The following DDX47 variants were observed in gnomAD, a reference collection of about 807,000 sequenced individuals.
The protein encoded by DDX47 is probable ATP-dependent RNA helicase DDX47.
A neutral mutation model predicts 58.8 loss-of-function variants in DDX47; 60 were observed. That is an observed-to-expected ratio of 1.02 (90% CI 0.83 to 1.26). The LOEUF (loss-of-function observed/expected upper bound fraction) is 1.26. Ranked by LOEUF, DDX47 falls within the 50% of genes most tolerant of loss-of-function variation. DDX47 has a pLI of 0.00. For missense variants in DDX47, 530 were observed against 573.2 expected, an observed-to-expected ratio of 0.92 and a Z score of 0.77; for synonymous variants, 197 against 204.6, an observed-to-expected ratio of 0.96 and a Z score of 0.32.
intron 6 of DDX47, among the ~76,000 whole-genome samples, 184 bp from the exon 7 acceptor site, chr12:12,823,019 C>T (rs1052936577): frequency 2.0e-5 from 3 of 152,166 alleles, no homozygotes; most frequent in African/African-American, 7.2e-5. Flanking sequence ...TGAGAACTCA[C>T]TATCATGAGA....
chr12:12,826,105 A>T (rs745333901), intron 10 of DDX47, 35 bp downstream of exon 10: 40 of 1,570,352 alleles, frequency 2.5e-5, no homozygotes, highest in Non-Finnish European at 3.2e-5. Flanking sequence ...AGCAATGTAG[A>T]GAAAAGAGCA....
In DDX47 at chr12:12,822,670, A is replaced by AT; in HGVS notation, c.572dup (p.Leu192ProfsTer40). On this transcript the variant is annotated frameshift_variant, in exon 6 of 12. Transcript: ENST00000358007. LOFTEE classifies it high-confidence loss of function. ...CCTCTTTGTGCTTTAGGTTGACAAG[A>AT]TCCTCAAAGTGATTCCTCGAGATCG... 6.2e-7 allele frequency: 1 copy of AT among 1,613,948 alleles called. No individual in the cohort carries two copies. Among genetic ancestry groups the AT allele is most frequent in the Non-Finnish European group, 8.5e-7 (1 of 1,179,906 alleles).
intron 8 of DDX47, 182 bp from the exon 9 acceptor site, chr12:12,824,358 T>C (rs1863019449): frequency 1.3e-5 from 8 of 612,170 alleles, no homozygotes; most frequent in South Asian, 7.3e-5. Flanking sequence ...TTGTATCATA[T>C]ATATTTTTTT....
intron 3 of DDX47, 21 bp downstream of exon 3, chr12:12,821,417 G>C: frequency 6.2e-7 from 1 of 1,613,586 alleles, no homozygotes; most frequent in Admixed American, 1.7e-5. Context: ...GAGAGGGAAG[G>C]GATCCTAGGT....
At chr12:12,822,152 C>A (rs1259697737) in intron 5 of DDX47, 69 bp downstream of exon 5, 2 of 990,502 alleles carry the variant, frequency 2.0e-6, no homozygotes, top group Non-Finnish European at 3.2e-6. Flanking sequence ...TGGTTCATTG[C>A]CCACTTGTTT....
In DDX47 at chr12:12,814,234, A is replaced by G. The variant is rs940642348; in HGVS notation, c.181+10A>G. The G allele has an allele frequency of 4.6e-6, 7 of 1,534,842 alleles. No individual in the cohort carries two copies. Among genetic ancestry groups the G allele is most frequent in the African/African-American group, 1.4e-5 (1 of 73,370 alleles). ...CCTTTGGCCTTACAAGGTAGGTTGT[A>G]TGACTTCGTACAGATTTAATATAAA... On this transcript the variant is annotated intron_variant, in intron 2 of 11. Coordinates refer to ENST00000358007, the MANE Select transcript of DDX47 (RefSeq NM_016355.4).
chr12:12,821,553 A>G, intron 3 of DDX47, 102 bp from the exon 4 acceptor site: 1 of 1,428,792 alleles, frequency 7.0e-7, no homozygotes, highest in South Asian at 1.2e-5. Context: ...TTGTAAGGGA[A>G]GAACAAATCT....
At chr12:12,823,472 G>A (rs1565447610) in intron 7 of DDX47, 153 bp downstream of exon 7, 10 of 619,148 alleles carry the variant, frequency 1.6e-5, no homozygotes, top group Admixed American at 1.4e-4. Context: ...TATTATCACC[G>A]ATAAGCCAGA....
chr12:12,824,153 G>C, intron 8 of DDX47, 137 bp downstream of exon 8: 1 of 1,110,460 alleles, frequency 9.0e-7, no homozygotes, highest in Non-Finnish European at 1.3e-6. Context: ...GGGCTTTGAA[G>C]TGTTGCTCTA....
chr12:12,826,179 T>A, intron 10 of DDX47, 109 bp downstream of exon 10: 1 of 830,054 alleles, frequency 1.2e-6, no homozygotes. Flanking sequence ...ACTTTCATAC[T>A]GAAAACCAGG....
intron 2 of DDX47, among the ~76,000 whole-genome samples, chr12:12,818,390 G>A (rs551736434): frequency 2.6e-5 from 4 of 152,184 alleles, no homozygotes; most frequent in East Asian, 3.9e-4. Context: ...GCGTGGTGAC[G>A]GGCACCTGTA....
intron 2 of DDX47, 45 bp downstream of exon 2, chr12:12,814,269 A>G (rs1862863010): frequency 8.5e-7 from 1 of 1,170,300 alleles, no homozygotes. Flanking sequence ...AGTTATCTCA[A>G]TTAGATACCC....
chr12:12,823,592 A>G, intron 7 of DDX47: 1 of 553,050 alleles, frequency 1.8e-6, no homozygotes, highest in South Asian at 2.4e-5. Context: ...TCTGCTTATT[A>G]TGTGGCTTTT....
Position 12,824,793 on chromosome 12 carries a change from A to G in DDX47, c.1035+116A>G, listed in dbSNP as rs374732094. The G allele has an allele frequency of 7.0e-6, 8 of 1,149,446 alleles. No individual in the cohort carries two copies. In the African/African-American group the frequency reaches 9.3e-5, roughly 13 times the overall value. 71.2% of individuals were successfully genotyped at this position (1,149,446 alleles called of 1,614,324 possible). On this transcript the variant is annotated intron_variant, in intron 9 of 11. Coordinates refer to ENST00000358007, the MANE Select transcript of DDX47 (RefSeq NM_016355.4). ...TGTTCCTGGTTAATTAAGTATCAAA[A>G]AACAAGAAAGCCCTTGGTTAGTTCA...
rs983452391 is a variant in DDX47, at chr12:12,824,864, T to G, written c.1035+187T>G. On this transcript the variant is annotated intron_variant, in intron 9 of 11. Coordinates refer to ENST00000358007, the MANE Select transcript of DDX47 (RefSeq NM_016355.4). ...CCTGTGTATGTAACATTAGTACATA[T>G]GAAAGAGGTAGCCAAGGAGAGTTAT... 1.6e-5 allele frequency: 8 copies of G among 515,042 alleles called. No homozygotes were observed. In the African/African-American group the frequency reaches 1.6e-4, roughly 10 times the overall value. The allele number at this position is 515,042 out of a possible 1,614,324, so 31.9% of individuals were successfully genotyped here. A position where few individuals can be genotyped will look rare whatever the true frequency, so the allele number is the denominator to read the frequency against.
chr12:12,814,786 A>G (rs971886201), intron 2 of DDX47: 3 of 151,700 alleles, frequency 2.0e-5, no homozygotes, highest in African/African-American at 7.3e-5. Context: ...GGTTCAAGCA[A>G]CTCTCCCGCC....
Position 12,829,520 on chromosome 12 carries a change from C to T in DDX47, c.1334C>T (p.Ala445Val). The T allele has an allele frequency of 4.3e-6, 7 of 1,613,350 alleles. No individual in the cohort carries two copies. The Middle Eastern group carries it at 1.2e-3, about 266-fold the overall frequency. Residue 445 changes from alanine to valine, a missense_variant, in exon 12 of 12, where the codon GCT (alanine) becomes GTT (valine). Physicochemically the swap from Ala to Val is moderately conservative, Grantham distance 64. Transcript: ENST00000358007. ...EGAIGVRNKV[A>V]GGKMKKRKGR is the part of the protein sequence containing the mutation. ...GCTATTGGTGTCAGGAACAAGGTGG[C>T]TGGAGGAAAAATGAAGAAGCGGAAA...
chr12:12,829,408 C>CTTTTTTTTT lies in DDX47; in HGVS notation c.1237-8_1237-7insTTTTTTTTT. 1 of 1,599,086 alleles carries CTTTTTTTTT rather than the reference C, an allele frequency of 6.3e-7. No individual in the cohort carries two copies. On this transcript the variant is annotated splice_polypyrimidine_tract_variant and intron_variant, in intron 11 of 11. Transcript: ENST00000358007. ...TAATTCATTTTCAATCCCATCCTCTCTTTTTTTCTTGCAGGAGTTAAGGGA... is the reference window on the plus strand; with the variant it reads ...TAATTCATTTTCAATCCCATCCTCTCTTTTTTTTTTTTTTTTCTTGCAGGAGTTAAGGGA...
intron 9 of DDX47, 104 bp downstream of exon 9, chr12:12,824,781 T>C (rs1863025962): frequency 7.7e-7 from 1 of 1,303,524 alleles, no homozygotes; most frequent in Non-Finnish European, 1.1e-6. Flanking sequence ...TCCTGGTTAA[T>C]TAAGTATCAA....
Sources: gnomAD v4.1 joint callset for allele counts (sites outside exome capture counted in the v4.1 genomes callset) on GRCh38, gnomAD v4.1.1 for gene constraint, MANE v1.5 for transcripts, NCBI Gene and HGNC (gene_info 2026-07-23, HGNC 2026-07-21) for gene names.